IMMP2L: variants seen among roughly 807,000 people sequenced by gnomAD.
The protein encoded by IMMP2L is inner mitochondrial membrane peptidase subunit 2, also known as mitochondrial inner membrane protease subunit 2.
IMMP2L carries 18 observed loss-of-function variants against 19.3 expected under a neutral mutation model. The observed-to-expected ratio is 0.93, with a 90% CI of 0.64 to 1.38. IMMP2L has a LOEUF of 1.38. Ranked by LOEUF, IMMP2L falls within the 40% of genes most tolerant of loss-of-function variation. The pLI is 0.00. For missense variants in IMMP2L, 233 were observed against 218.2 expected (o/e 1.07, Z -0.43); for synonymous variants, 76 against 73.0 (o/e 1.04, Z -0.21).
intron 3 of IMMP2L, among the ~76,000 whole-genome samples, chr7:111,140,498 T>C (rs1024858402): frequency 3.9e-5 from 6 of 152,220 alleles, no homozygotes; most frequent in African/African-American, 1.4e-4. Context: ...TGGGTGCCTT[T>C]CAAAACACTA....
chr7:110,885,724 G>A (rs1343304046), intron 5 of IMMP2L, among the ~76,000 whole-genome samples: 1 of 151,960 alleles, frequency 6.6e-6, no homozygotes, highest in East Asian at 1.9e-4. Context: ...AAAGGCACTT[G>A]ACAAACAGCA....
chr7:110,694,761 A>C (rs566693634), intron 5 of IMMP2L, among the ~76,000 whole-genome samples: 7 of 152,214 alleles, frequency 4.6e-5, no homozygotes, highest in Non-Finnish European at 1.0e-4. Flanking sequence ...AGACTCAAAC[A>C]AATACTTGAA....
At position 110,728,870 on chromosome 7, in the gene IMMP2L, AT is replaced by A. The variant is rs1310694274; in HGVS notation, c.409-65150del. ...TTGTCCATGGTAATACAAATAGTATATGGTAGAAGTGGGATAAACAGTTGTA... is the reference window on the plus strand; with the variant it reads ...TTGTCCATGGTAATACAAATAGTATAGGTAGAAGTGGGATAAACAGTTGTA... On this transcript the variant is annotated intron_variant, in intron 5 of 5. Transcript: ENST00000405709. This position sits in a 1 kb window ranked among gnomAD's most constrained non-coding sequence, Gnocchi z 4.6. Among the ~76,000 whole-genome samples, 1 of 152,136 alleles carries A rather than the reference AT, an allele frequency of 6.6e-6. No homozygotes were observed. Among genetic ancestry groups the A allele is most frequent in the Non-Finnish European group, 1.5e-5 (1 of 68,014 alleles).
chr7:111,027,875 C>T (rs984881704), intron 3 of IMMP2L, among the ~76,000 whole-genome samples: 22 of 151,914 alleles, frequency 1.4e-4, no homozygotes, highest in African/African-American at 3.9e-4. Flanking sequence ...CAGACTAAAG[C>T]GGTATTATTG....
intron 1 of IMMP2L, among the ~76,000 whole-genome samples, chr7:111,552,647 T>A (rs1481186124): frequency 6.6e-6 from 1 of 152,154 alleles, no homozygotes; most frequent in African/African-American, 2.4e-5. Flanking sequence ...ATGCTTACAA[T>A]GAAACTCAAA....
At chr7:110,980,201 C>G (rs1039440918) in intron 3 of IMMP2L, among the ~76,000 whole-genome samples, 2 of 141,492 alleles carry the variant, frequency 1.4e-5, no homozygotes, top group African/African-American at 5.2e-5. Context: ...CATTAACTGG[C>G]TTATATGACT....
At chr7:111,323,358 G>A (rs1824953053) in intron 3 of IMMP2L, among the ~76,000 whole-genome samples, 1 of 151,938 alleles carries the variant, frequency 6.6e-6, no homozygotes, top group South Asian at 2.1e-4. Flanking sequence ...CTCAAAAGAA[G>A]TCATTTATGC....
At chr7:111,477,481 T>C (rs1841817163) in intron 3 of IMMP2L, among the ~76,000 whole-genome samples, 1 of 152,186 alleles carries the variant, frequency 6.6e-6, no homozygotes, top group South Asian at 2.1e-4. Flanking sequence ...TACAACATTC[T>C]AGATTGACAT....
chr7:111,141,166 A>T (rs1217363772), intron 3 of IMMP2L, among the ~76,000 whole-genome samples: 1 of 152,130 alleles, frequency 6.6e-6, no homozygotes, highest in Non-Finnish European at 1.5e-5. Context: ...GAATCAATAA[A>T]ATTAACTCAG....
At chr7:110,759,740 T>C (rs1798241653) in intron 5 of IMMP2L, among the ~76,000 whole-genome samples, 1 of 152,144 alleles carries the variant, frequency 6.6e-6, no homozygotes, top group African/African-American at 2.4e-5. Context: ...TGTTCAACTT[T>C]TATTTCTAGG....
intron 3 of IMMP2L, among the ~76,000 whole-genome samples, chr7:111,343,006 T>C (rs1827177600): frequency 1.3e-5 from 2 of 152,114 alleles, no homozygotes; most frequent in African/African-American, 2.4e-5. Context: ...AGGACCTGTT[T>C]ATACCACTCC....
At position 111,087,776 on chromosome 7, in the gene IMMP2L, T is replaced by C. The variant is rs532517804; in HGVS notation, c.240-124211A>G. ...ATAAAGAGTGCTATTGTGGGTCAAA[T>C]GAGAGATTATATCTTGTTAAAGGAG... On this transcript the variant is annotated intron_variant, in intron 3 of 5. Coordinates refer to ENST00000405709, the MANE Select transcript of IMMP2L (RefSeq NM_032549.4). 2.6e-5 allele frequency among the ~76,000 whole-genome samples: 4 copies of C among 152,210 alleles called. No individual in the cohort carries two copies. In the East Asian group the frequency reaches 7.7e-4, roughly 29 times the overall value.
chr7:111,325,898 A>C (rs1396719427), intron 3 of IMMP2L, among the ~76,000 whole-genome samples: 1 of 151,650 alleles, frequency 6.6e-6, no homozygotes, highest in East Asian at 1.9e-4. Context: ...CCCTCATGAA[A>C]TTTTACTGTA....
chr7:111,065,364 T>C (rs769088463), intron 3 of IMMP2L, among the ~76,000 whole-genome samples: 2 of 152,168 alleles, frequency 1.3e-5, no homozygotes, highest in Non-Finnish European at 2.9e-5. Context: ...GACTTTATTA[T>C]TGTCTTTATT....
intron 5 of IMMP2L, among the ~76,000 whole-genome samples, chr7:110,694,497 T>C (rs1793731998): frequency 6.6e-6 from 1 of 152,220 alleles, no homozygotes; most frequent in African/African-American, 2.4e-5. Context: ...AGGTCCTTAA[T>C]TGCCTTTGAG....
intron 3 of IMMP2L, among the ~76,000 whole-genome samples, chr7:111,043,077 T>A (rs771858469): frequency 6.6e-6 from 1 of 152,114 alleles, no homozygotes; most frequent in Non-Finnish European, 1.5e-5. Context: ...TATACTACAC[T>A]CCCACTCCAC....
At chr7:110,821,607 T>A (rs1032376315) in intron 5 of IMMP2L, among the ~76,000 whole-genome samples, 1 of 151,818 alleles carries the variant, frequency 6.6e-6, no homozygotes, top group African/African-American at 2.4e-5. Context: ...CTGCTTTAAA[T>A]CCCTTATAGA....
intron 4 of IMMP2L, among the ~76,000 whole-genome samples, chr7:110,913,904 A>C (rs1217899307): frequency 6.6e-6 from 1 of 152,174 alleles, no homozygotes; most frequent in Non-Finnish European, 1.5e-5. Context: ...GAGCAGAAGC[A>C]CTGTTGGGTT....
chr7:111,042,721 TGACTAACATCTAAATTGGG>T (rs1792018059), intron 3 of IMMP2L, among the ~76,000 whole-genome samples: 1 of 152,194 alleles, frequency 6.6e-6, no homozygotes, highest in Non-Finnish European at 1.5e-5. Flanking sequence ...CCACAATAGA[TGACTAACATCTAAATTGGG>T]ATTTCAGGAT....
Sources: allele counts gnomAD v4.1 joint callset (sites outside exome capture counted in the v4.1 genomes callset), GRCh38; gene constraint gnomAD v4.1.1; non-coding constraint Gnocchi (gnomAD v3.1); transcripts MANE v1.5; gene names NCBI Gene and HGNC (gene_info 2026-07-23, HGNC 2026-07-21).